The following KCNH5 variants were observed in gnomAD, a reference collection of about 807,000 sequenced individuals.
KCNH5 encodes the protein voltage-gated delayed rectifier potassium channel KCNH5.
In KCNH5, 46 loss-of-function variants were observed where a neutral mutation model predicts 96.1. The observed-to-expected ratio is 0.48, with a 90% CI of 0.38 to 0.61. KCNH5 has a LOEUF of 0.61. Among genes scored for constraint, KCNH5 ranks in the 20% least tolerant of loss-of-function variants. The pLI is 0.00. For synonymous variants in KCNH5, 439 were observed against 449.8 expected (o/e 0.98, Z 0.30); for missense variants, 907 against 1,225.8 (o/e 0.74, Z 3.88).
chr14:62,986,987 C>T, intron 5 of KCNH5, 85 bp downstream of exon 5: 1 of 859,014 alleles, frequency 1.2e-6, no homozygotes. Context: ...AGATCATAGC[C>T]AGAAATATCT....
chr14:62,836,749 A>C (rs562640229), intron 8 of KCNH5, among the ~76,000 whole-genome samples: 2 of 152,210 alleles, frequency 1.3e-5, no homozygotes, highest in East Asian at 1.9e-4. Flanking sequence ...TTATGCAATT[A>C]TTTTTATCTG....
At chr14:62,889,883 A>G (rs527327343) in intron 7 of KCNH5, among the ~76,000 whole-genome samples, 5 of 152,320 alleles carry the variant, frequency 3.3e-5, no homozygotes, top group African/African-American at 1.2e-4. Context: ...CTAAGTAGAA[A>G]AATTAGAAGA....
chr14:62,999,871 A>AT (rs1428951204), intron 4 of KCNH5, among the ~76,000 whole-genome samples: 1 of 137,040 alleles, frequency 7.3e-6, no homozygotes, highest in Non-Finnish European at 1.5e-5. Flanking sequence ...AATAATAATA[A>AT]AAAAAAAAGG....
chr14:62,803,271 T>C (rs1447870437), intron 8 of KCNH5, among the ~76,000 whole-genome samples: 2 of 152,222 alleles, frequency 1.3e-5, no homozygotes, highest in African/African-American at 4.8e-5. Context: ...AGCAGATGTT[T>C]CAGAATTTTT....
At chr14:62,864,192 T>C (rs1032841674) in intron 7 of KCNH5, among the ~76,000 whole-genome samples, 8 of 152,192 alleles carry the variant, frequency 5.3e-5, no homozygotes, top group Admixed American at 5.2e-4. Context: ...TTTTAAAAAG[T>C]GTATAAAGAC....
chr14:62,832,993 G>A (rs1326890753), intron 8 of KCNH5, among the ~76,000 whole-genome samples: 2 of 46,760 alleles, frequency 4.3e-5, no homozygotes, highest in Non-Finnish European at 8.4e-5. Context: ...TGAATTGATA[G>A]AGTTTCTTAT....
intron 8 of KCNH5, among the ~76,000 whole-genome samples, chr14:62,830,849 G>A (rs572643999): frequency 7.5e-4 from 114 of 152,142 alleles, no homozygotes; most frequent in Middle Eastern, 3.4e-3. Context: ...ATCCTCTTAC[G>A]TCACTAAACA....
chr14:62,963,068 A>G (rs947712844), intron 6 of KCNH5, among the ~76,000 whole-genome samples: 9 of 152,100 alleles, frequency 5.9e-5, no homozygotes, highest in African/African-American at 2.2e-4. Context: ...ACTTCATCTC[A>G]TCATGTAGGC....
At chr14:62,997,294 T>C (rs1890922460) in intron 4 of KCNH5, among the ~76,000 whole-genome samples, 1 of 151,700 alleles carries the variant, frequency 6.6e-6, no homozygotes, top group Non-Finnish European at 1.5e-5. Flanking sequence ...GGGAGTAAGA[T>C]GGGGAGATGG....
At chr14:62,913,034 C>T (rs1889200962) in intron 7 of KCNH5, among the ~76,000 whole-genome samples, 1 of 152,144 alleles carries the variant, frequency 6.6e-6, no homozygotes, top group African/African-American at 2.4e-5. Flanking sequence ...ATAATATCTA[C>T]ATAAAATGAC....
At chr14:62,951,956 C>T (rs1890014527) in intron 6 of KCNH5, among the ~76,000 whole-genome samples, 1 of 106,752 alleles carries the variant, frequency 9.4e-6, no homozygotes, top group Admixed American at 1.0e-4. Context: ...GAGCGAGACT[C>T]CGTCTCAAAA....
At chr14:62,869,019 T>C (rs573132184) in intron 7 of KCNH5, among the ~76,000 whole-genome samples, 1 of 152,342 alleles carries the variant, frequency 6.6e-6, no homozygotes, top group South Asian at 2.1e-4. Flanking sequence ...GTCTTTATAG[T>C]AGAATGATTT....
chr14:63,015,974 A>G (rs1891319962), intron 2 of KCNH5, among the ~76,000 whole-genome samples: 1 of 151,606 alleles, frequency 6.6e-6, no homozygotes, highest in African/African-American at 2.4e-5. Flanking sequence ...CAATGGGTAG[A>G]AAAAACAAAT....
rs575796638 is a variant in KCNH5, at chr14:62,945,551, G to GC, written c.1369+4581dup. Among the ~76,000 whole-genome samples the GC allele has an allele frequency of 4.1e-4, 62 of 152,134 alleles. 1 individual carries two copies. The highest frequency in any genetic ancestry group is 3.1e-4 in the Non-Finnish European group (21 of 68,022). ...CTGGGGATACAAGAAACGGACAGAG[G>GC]CCTACCTCTCATGGAGCTTACATTC... On this transcript the variant is annotated intron_variant, in intron 7 of 10. Transcript: ENST00000322893.
intron 10 of KCNH5, among the ~76,000 whole-genome samples, chr14:62,710,990 T>G (rs1405730418): frequency 6.6e-6 from 1 of 152,196 alleles, no homozygotes; most frequent in Non-Finnish European, 1.5e-5. Flanking sequence ...TGTCTACATG[T>G]CCTGCCATGC....
chr14:62,708,144 G>T lies in KCNH5; in HGVS notation c.2331C>A (p.Asn777Lys). 1 of 1,614,220 alleles carries T rather than the reference G, an allele frequency of 6.2e-7. No individual in the cohort carries two copies. The change falls in exon 11 of 11, where the codon AAC becomes AAA. Residue 777 changes from asparagine to lysine, a missense_variant. Physicochemically the swap from Asn to Lys is moderately conservative, Grantham distance 94 (BLOSUM62 0). Transcript: ENST00000322893. ...GCTTGAGTTCCATGGCATCACGGTT[G>T]TTCTGCTTAAGGGATTCACTGGTTT... is the stretch of plus-strand genomic sequence containing the variant. ...YVKTSESLKQ[N>K]NRDAMELKPN...
In KCNH5 at chr14:62,845,620, T is replaced by C. The variant is rs1438717791; in HGVS notation, c.1569+4033A>G. Among the ~76,000 whole-genome samples, 5 of 152,250 alleles carry C rather than the reference T, an allele frequency of 3.3e-5. No individual in the cohort carries two copies. In the South Asian group the frequency reaches 6.2e-4, roughly 19 times the overall value. On this transcript the variant is annotated intron_variant, in intron 8 of 10. Coordinates refer to ENST00000322893, the MANE Select transcript of KCNH5 (RefSeq NM_139318.5). ...CATGATGGTGATGTGGACCAGGTGA[T>C]AGAAGGTGAATGAAGGTGGTGAGAA...
intron 8 of KCNH5, among the ~76,000 whole-genome samples, chr14:62,808,181 G>A (rs1258906310): frequency 6.6e-6 from 1 of 152,126 alleles, no homozygotes; most frequent in Non-Finnish European, 1.5e-5. Context: ...TAAGGAAAGT[G>A]GAATGGACTT....
intron 7 of KCNH5, among the ~76,000 whole-genome samples, chr14:62,906,807 T>C (rs928274477): frequency 6.6e-6 from 1 of 152,212 alleles, no homozygotes; most frequent in Non-Finnish European, 1.5e-5. Context: ...TCATTCCACT[T>C]TCCTCATCAG....
Sources: allele counts gnomAD v4.1 joint callset (sites outside exome capture counted in the v4.1 genomes callset), GRCh38; gene constraint gnomAD v4.1.1; transcripts MANE v1.5; gene names NCBI Gene and HGNC (gene_info 2026-07-23, HGNC 2026-07-21).